CHD2: variants seen among roughly 807,000 people sequenced by gnomAD.
CHD2 encodes the protein chromodomain helicase DNA binding protein 2, also known as ATP-dependent chromatin remodeler CHD2.
Under a neutral mutation model 243.9 loss-of-function variants are expected in CHD2, and 28 were observed. The observed-to-expected ratio is 0.11, with a 90% CI of 0.09 to 0.16. The LOEUF is 0.16. CHD2 is among the 10% of genes least tolerant of loss of function. CHD2 has a pLI of 1.00. For missense variants in CHD2, 1,386 were observed against 2,209.8 expected (o/e 0.63, Z 7.47); for synonymous variants, 775 against 779.0 (o/e 0.99, Z 0.09).
At position 93,024,831 on chromosome 15, in the gene CHD2, T is replaced by C; in HGVS notation, c.*126T>C. ...GGACATGCTGCTGCTGTCAACTCAC[T>C]GGCTGAAGGAGCACTTCAAGGAATG... On this transcript the variant is annotated 3_prime_UTR_variant, in exon 39 of 39. Coordinates refer to ENST00000394196, the MANE Select transcript of CHD2 (RefSeq NM_001271.4). 1.3e-6 allele frequency: 1 copy of C among 799,130 alleles called. No homozygotes were observed. Among genetic ancestry groups the C allele is most frequent in the Non-Finnish European group, 1.9e-6 (1 of 514,204 alleles). 49.5% of individuals were successfully genotyped at this position (799,130 alleles called of 1,614,324 possible).
intron 5 of CHD2, among the ~76,000 whole-genome samples, chr15:92,929,752 T>A (rs1288546464): frequency 6.6e-6 from 1 of 152,186 alleles, no homozygotes; most frequent in African/African-American, 2.4e-5. Context: ...CTCAAAAATG[T>A]AGATATTCAA....
chr15:92,999,083 C>CAAAAAAAAAAAAAAA (rs55738843), intron 31 of CHD2, among the ~76,000 whole-genome samples: 6 of 65,528 alleles, frequency 9.2e-5, no homozygotes, highest in Non-Finnish European at 1.3e-4. Context: ...GACTCCGTCT[C>CAAAAAAAAAAAAAAA]AAAAAAAAAA....
At position 92,997,466 on chromosome 15, in the gene CHD2, T is replaced by G; in HGVS notation, c.3885+63T>G. The G allele has an allele frequency of 7.0e-7, 1 of 1,420,890 alleles. No homozygotes were observed. The highest frequency in any genetic ancestry group is 9.4e-7 in the Non-Finnish European group (1 of 1,064,364). 88.0% of individuals were successfully genotyped at this position (1,420,890 alleles called of 1,614,324 possible). On this transcript the variant is annotated intron_variant, in intron 30 of 38. Coordinates refer to ENST00000394196, the MANE Select transcript of CHD2 (RefSeq NM_001271.4). The surrounding 1 kb of genome is among the most constrained non-coding windows in gnomAD (Gnocchi z 4.1). ...TTGTTGTGTAATATTTTTATATCGATTACTTATTTCTAACTATTTTCGAGG... is the reference window on the plus strand; with the variant it reads ...TTGTTGTGTAATATTTTTATATCGAGTACTTATTTCTAACTATTTTCGAGG...
At chr15:92,944,269 T>G (rs2053427998) in intron 9 of CHD2, 146 bp from the exon 10 acceptor site, 1 of 492,442 alleles carries the variant, frequency 2.0e-6, no homozygotes, top group South Asian at 3.3e-5. Context: ...TTGTAAAATC[T>G]CTGGCGTAAT....
chr15:92,904,023 T>C (rs1201481561), intron 2 of CHD2, among the ~76,000 whole-genome samples: 7 of 152,174 alleles, frequency 4.6e-5, no homozygotes, highest in Non-Finnish European at 7.3e-5. Context: ...AAAAACGGGA[T>C]TTTGGAGAAG....
chr15:92,937,567 A>G lies in CHD2; in HGVS notation c.493A>G (p.Ser165Gly). ...AGAAGATGAACAGGAACAAGGCACC[A>G]GTGCAGAGAGTGAGCCAGAACAAAA... ...PSEDEQEQGTSAESEPEQKKV... is the reference protein window; with the variant it reads ...PSEDEQEQGTGAESEPEQKKV... Residue 165 changes from serine (S) to glycine (G), a missense_variant, in exon 6 of 39, where the codon AGT (serine) becomes GGT (glycine). Transcript: ENST00000394196. 1 of 1,613,782 alleles carries G rather than the reference A, an allele frequency of 6.2e-7. No homozygotes were observed. The highest frequency in any genetic ancestry group is 1.3e-5 in the African/African-American group (1 of 75,050).
At chr15:92,905,774 G>A (rs1005158433) in intron 2 of CHD2, among the ~76,000 whole-genome samples, 10 of 152,200 alleles carry the variant, frequency 6.6e-5, no homozygotes, top group Admixed American at 2.0e-4. Context: ...AAAATTATAT[G>A]CTCAAATGTA....
intron 2 of CHD2, among the ~76,000 whole-genome samples, chr15:92,920,255 A>G (rs1037835352): frequency 1.3e-5 from 2 of 152,264 alleles, no homozygotes; most frequent in African/African-American, 4.8e-5. Flanking sequence ...ACGTAGAAAG[A>G]AAGATATTTA....
At chr15:92,937,117 C>T (rs1400478026) in intron 5 of CHD2, among the ~76,000 whole-genome samples, 5 of 152,108 alleles carry the variant, frequency 3.3e-5, no homozygotes, top group African/African-American at 1.2e-4. Context: ...CCCACCTTGG[C>T]CTCCCAAAGT....
At chr15:93,016,779 CA>C (rs58103362) in intron 37 of CHD2, among the ~76,000 whole-genome samples, 7,096 of 78,014 alleles carry the variant, frequency 0.091, 409 homozygotes, top group South Asian at 0.2. Context: ...GAGACCGTCT[CA>C]AAAAAAAAAA....
chr15:92,949,159 T>C, intron 13 of CHD2, 83 bp downstream of exon 13: 1 of 1,575,470 alleles, frequency 6.3e-7, no homozygotes, highest in Non-Finnish European at 8.5e-7. Flanking sequence ...TTTTTTCTTT[T>C]TTCACACCCT....
intron 37 of CHD2, among the ~76,000 whole-genome samples, chr15:93,015,801 C>T (rs905032762): frequency 1.3e-5 from 2 of 152,096 alleles, no homozygotes; most frequent in East Asian, 1.9e-4. Context: ...ATTAAAAGCA[C>T]GATGAGATAT....
At chr15:92,971,444 T>C (rs2053840320) in intron 17 of CHD2, among the ~76,000 whole-genome samples, 2 of 151,994 alleles carry the variant, frequency 1.3e-5, no homozygotes. Flanking sequence ...AAAATGTATG[T>C]ATGTATGTGT....
rs1015560113 is a variant in CHD2, at chr15:92,997,216, C to G, written c.3735-37C>G. 6.2e-7 allele frequency: 1 copy of G among 1,611,350 alleles called. No individual in the cohort carries two copies. The highest frequency in any genetic ancestry group is 2.2e-5 in the East Asian group (1 of 44,836). On this transcript the variant is annotated intron_variant, in intron 29 of 38. Coordinates refer to ENST00000394196, the MANE Select transcript of CHD2 (RefSeq NM_001271.4). This position sits in a 1 kb window ranked among gnomAD's most constrained non-coding sequence, Gnocchi z 4.1. Reference sequence around the variant, plus strand: ...CTTCTTTAACATACCAAAAAGGCCCCTCTTCTAATGTCTTCCTGTTTTTAA... The same window carrying G: ...CTTCTTTAACATACCAAAAAGGCCCGTCTTCTAATGTCTTCCTGTTTTTAA...
At position 92,925,681 on chromosome 15, in the gene CHD2, CAG is replaced by C. The variant is rs1232636413; in HGVS notation, c.294+1132_294+1133del. On this transcript the variant is annotated intron_variant, in intron 3 of 38. Coordinates refer to ENST00000394196, the MANE Select transcript of CHD2 (RefSeq NM_001271.4). ...CCTTCCTTTCTCTGCCAGGTTTTTT[CAG>C]AGTGTTTTATGTTTACTGCCTCTAC... 2.0e-5 allele frequency among the ~76,000 whole-genome samples: 3 copies of C among 152,224 alleles called. No homozygotes were observed. In the East Asian group the frequency reaches 5.8e-4, roughly 29 times the overall value.
In CHD2 at chr15:92,984,416, A is replaced by C. The variant is rs1312097410; in HGVS notation, c.3153A>C (p.Gln1051His). Residue 1051 changes from glutamine to histidine, a missense_variant, in exon 25 of 39, where the codon CAA (glutamine) becomes CAC (histidine). Transcript: ENST00000394196. ...GGGATGAGATCATTCCAGAGGAACAAAGGAAAAAAGTAGAGGAGGAAGAGC... is the reference window on the plus strand; with the variant it reads ...GGGATGAGATCATTCCAGAGGAACACAGGAAAAAAGTAGAGGAGGAAGAGC... The part of the protein sequence containing the change: ...KDWDEIIPEE[Q>H]RKKVEEEERQ... 3 of 1,613,074 alleles carry C rather than the reference A, an allele frequency of 1.9e-6. No homozygotes were observed. Among genetic ancestry groups the C allele is most frequent in the Non-Finnish European group, 1.7e-6 (2 of 1,179,504 alleles).
chr15:93,010,410 ATTTTTT>A (rs34163529), intron 35 of CHD2, among the ~76,000 whole-genome samples: 1 of 143,034 alleles, frequency 7.0e-6, no homozygotes, highest in Non-Finnish European at 1.5e-5. Flanking sequence ...ATGACTGGAA[ATTTTTT>A]TTTTTTTTTT....
At chr15:92,930,436 G>A (rs1050848102) in intron 5 of CHD2, among the ~76,000 whole-genome samples, 3 of 151,826 alleles carry the variant, frequency 2.0e-5, no homozygotes, top group African/African-American at 7.3e-5. Flanking sequence ...CAGCCTTTTT[G>A]TTTTGTTTTG....
chr15:93,014,390 C>G (rs1470994587), intron 36 of CHD2, among the ~76,000 whole-genome samples: 2 of 152,146 alleles, frequency 1.3e-5, no homozygotes, highest in African/African-American at 4.8e-5. Flanking sequence ...CAGGATGATC[C>G]TCTGAGAGTG....
Sources: allele counts gnomAD v4.1 joint callset (sites outside exome capture counted in the v4.1 genomes callset), GRCh38; gene constraint gnomAD v4.1.1; non-coding constraint Gnocchi (gnomAD v3.1); transcripts MANE v1.5; gene names NCBI Gene and HGNC (gene_info 2026-07-23, HGNC 2026-07-21).